Variants in LAMB4 observed in about 807,000 individuals in gnomAD.
The protein encoded by LAMB4 is laminin subunit beta 4.
A neutral mutation model predicts 199.2 loss-of-function variants in LAMB4; 196 were observed. The observed-to-expected ratio is 0.98, with a 90% CI of 0.88 to 1.11. LAMB4 has a LOEUF of 1.11. LAMB4 is among the 50% of genes least tolerant of loss of function. LAMB4 has a pLI of 0.00. For missense variants in LAMB4, 2,080 were observed against 2,171.2 expected (o/e 0.96, Z 0.83); for synonymous variants, 744 against 770.6 (o/e 0.97, Z 0.57).
intron 23 of LAMB4, among the ~76,000 whole-genome samples, chr7:108,062,229 AT>A (rs1378343096): frequency 6.6e-6 from 1 of 152,214 alleles, no homozygotes; most frequent in African/African-American, 2.4e-5. Flanking sequence ...TCTATGTAGT[AT>A]TAGTTGTATA....
chr7:108,044,807 G>A (rs1267290102), intron 28 of LAMB4, among the ~76,000 whole-genome samples: 2 of 151,880 alleles, frequency 1.3e-5, no homozygotes, highest in Admixed American at 1.3e-4. Flanking sequence ...GCCAAAATTA[G>A]CCAGGCATGG....
chr7:108,014,504 A>G, the LAMB4 span, among the ~76,000 whole-genome samples: 6 of 152,208 alleles, frequency 3.9e-5, no homozygotes, highest in East Asian at 7.7e-4. Context: ...AAATGTTTAA[A>G]TCTTTCAAAT....
chr7:108,113,209 C>T (rs2038292350), intron 3 of LAMB4, among the ~76,000 whole-genome samples: 1 of 152,082 alleles, frequency 6.6e-6, no homozygotes, highest in Non-Finnish European at 1.5e-5. Context: ...TTTCCTAAGC[C>T]CTTATCACTA....
chr7:108,084,313 A>C (rs2037078546), intron 14 of LAMB4, among the ~76,000 whole-genome samples: 1 of 152,192 alleles, frequency 6.6e-6, no homozygotes, highest in South Asian at 2.1e-4. Context: ...CTGTGCCTGC[A>C]TGGAGTGAAC....
intron 28 of LAMB4, among the ~76,000 whole-genome samples, chr7:108,045,972 C>T (rs1025941627): frequency 1.3e-5 from 2 of 152,028 alleles, no homozygotes; most frequent in African/African-American, 2.4e-5. Context: ...CTGTGGTTCT[C>T]ACCCCATTCC....
At chr7:108,085,303 A>T (rs2037127256) in intron 14 of LAMB4, among the ~76,000 whole-genome samples, 1 of 152,206 alleles carries the variant, frequency 6.6e-6, no homozygotes, top group Non-Finnish European at 1.5e-5. Context: ...CAAATTGACA[A>T]TGTGAATATG....
intron 23 of LAMB4, among the ~76,000 whole-genome samples, chr7:108,061,407 C>A (rs2036154033): frequency 6.6e-6 from 1 of 152,070 alleles, no homozygotes; most frequent in African/African-American, 2.4e-5. Context: ...TACAACTTCA[C>A]AAATATATTC....
In LAMB4 at chr7:108,068,059, C is replaced by T. The variant is rs1451749980; in HGVS notation, c.2403G>A (p.Arg801=). The part of the protein sequence containing the change: ...KPLVVGRCCD[R]CSTGSYDLGH... ...CCAAATCATAGCTTCCAGTTGAGCA[C>T]CTGTCACAGCAGCGCCCGACCACAA... The change falls in exon 19 of 34, where the codon AGG becomes AGA. Residue 801 remains arginine (R), a synonymous_variant. Transcript: ENST00000388781. 3.7e-6 allele frequency: 6 copies of T among 1,614,062 alleles called. No individual in the cohort carries two copies. The highest frequency in any genetic ancestry group is 5.1e-6 in the Non-Finnish European group (6 of 1,180,020).
intron 30 of LAMB4, 62 bp downstream of exon 30, chr7:108,037,326 C>G (rs2035264651): frequency 7.7e-7 from 1 of 1,302,640 alleles, no homozygotes; most frequent in Non-Finnish European, 1.1e-6. Context: ...CAAACATTTT[C>G]CTGATGTCCT....
At chr7:108,129,222 TGC>T (rs2038897437) in intron 1 of LAMB4, among the ~76,000 whole-genome samples, 1 of 152,200 alleles carries the variant, frequency 6.6e-6, no homozygotes, top group East Asian at 1.9e-4. Flanking sequence ...GAACCACAGG[TGC>T]ATCGTGTTTG....
chr7:108,012,091 T>C, the LAMB4 span, among the ~76,000 whole-genome samples: 1 of 149,926 alleles, frequency 6.7e-6, no homozygotes, highest in African/African-American at 2.5e-5. Context: ...TAAACACATA[T>C]GAATAAAGTT....
chr7:108,025,986 G>A (rs1270301837), intron 33 of LAMB4, among the ~76,000 whole-genome samples: 1 of 152,190 alleles, frequency 6.6e-6, no homozygotes, highest in African/African-American at 2.4e-5. Flanking sequence ...TCAGAGGATA[G>A]GAGGATGAGC....
intron 8 of LAMB4, among the ~76,000 whole-genome samples, chr7:108,105,019 T>C (rs1022357389): frequency 2.0e-5 from 3 of 152,060 alleles, no homozygotes; most frequent in Non-Finnish European, 4.4e-5. Context: ...AAGAAAGCCA[T>C]GTGATTCTCC....
At chr7:108,085,033 C>G (rs2037115903) in intron 14 of LAMB4, among the ~76,000 whole-genome samples, 1 of 152,036 alleles carries the variant, frequency 6.6e-6, no homozygotes, top group Admixed American at 6.6e-5. Flanking sequence ...GCAACCATGC[C>G]AGGCCCCATA....
At chr7:108,092,822 T>C (rs2037460598) in intron 12 of LAMB4, among the ~76,000 whole-genome samples, 1 of 152,020 alleles carries the variant, frequency 6.6e-6, no homozygotes, top group Non-Finnish European at 1.5e-5. Flanking sequence ...GAGAATCGTT[T>C]GAACGTGGGA....
chr7:108,116,081 T>C lies in LAMB4; in HGVS notation c.115A>G (p.Arg39Gly). The C allele has an allele frequency of 1.2e-6, 2 of 1,614,092 alleles. No homozygotes were observed. The highest frequency in any genetic ancestry group is 1.7e-6 in the Non-Finnish European group (2 of 1,179,968). The change falls in exon 3 of 34, where the codon AGG becomes GGG. Residue 39 changes from arginine (R) to glycine (G), a missense_variant. Physicochemically the swap from Arg to Gly is moderately radical, Grantham distance 125. Transcript: ENST00000388781. ...GAAGAAGCCATAAGCTGCGTGTTCC[T>C]GCCCACCAGGAGATCACCAGTGGTG... The part of the protein sequence containing the change: ...HPTTGDLLVG[R>G]NTQLMASSTC...
intron 23 of LAMB4, among the ~76,000 whole-genome samples, chr7:108,061,565 C>G (rs1006212689): frequency 6.6e-6 from 1 of 151,720 alleles, no homozygotes; most frequent in Non-Finnish European, 1.5e-5. Context: ...ATGGTGAAAC[C>G]CTGTCTCTAC....
In LAMB4 at chr7:108,023,562, G is replaced by C. The variant is rs2034736809; in HGVS notation, c.*477C>G. On this transcript the variant is annotated 3_prime_UTR_variant, in exon 34 of 34. Transcript: ENST00000388781. ...ATAAAAGCAAGTTGCATTTTGAATT[G>C]TATGCAGTTTATTCAGAAAAGAATA... 6.6e-6 allele frequency: 1 copy of C among 152,190 alleles called. No individual in the cohort carries two copies. Among genetic ancestry groups the C allele is most frequent in the Non-Finnish European group, 1.5e-5 (1 of 68,042 alleles). The allele number at this position is 152,190 out of a possible 1,614,324, so 9.4% of individuals were successfully genotyped here.
chr7:108,067,823 A>T (rs1419574913), intron 19 of LAMB4, among the ~76,000 whole-genome samples, 193 bp downstream of exon 19: 1 of 152,214 alleles, frequency 6.6e-6, no homozygotes, highest in Non-Finnish European at 1.5e-5. Context: ...GCCTACAGTC[A>T]GGGCCCATTG....
Sources: gnomAD v4.1 joint callset for allele counts (sites outside exome capture counted in the v4.1 genomes callset) on GRCh38, gnomAD v4.1.1 for gene constraint, MANE v1.5 for transcripts, NCBI Gene and HGNC (gene_info 2026-07-23, HGNC 2026-07-21) for gene names.